The following CHST9 variants were observed in gnomAD, a reference collection of about 807,000 sequenced individuals.
CHST9 encodes carbohydrate sulfotransferase 9, also known as GalNAc-4-sulfotransferase 2.
CHST9 carries 41 observed loss-of-function variants against 44.4 expected under a neutral mutation model. The ratio of observed to expected loss-of-function variants is 0.92; its 90% CI spans 0.72 to 1.20. The LOEUF is 1.20. CHST9 is among the 50% of genes most tolerant of loss of function. The probability of loss-of-function intolerance (pLI) is 0.00; values close to 1 mark genes in which losing one functional copy is unlikely to be tolerated. For synonymous variants in CHST9, 171 were observed against 178.4 expected, an observed-to-expected ratio of 0.96 and a Z score of 0.33; for missense variants, 504 against 516.5, an observed-to-expected ratio of 0.98 and a Z score of 0.23.
chr18:27,161,526 T>C (rs2050355544), intron 1 of CHST9, among the ~76,000 whole-genome samples: 1 of 152,212 alleles, frequency 6.6e-6, no homozygotes, highest in South Asian at 2.1e-4. Flanking sequence ...GTGCTTTACT[T>C]TCAACTAAGT....
intron 5 of CHST9, among the ~76,000 whole-genome samples, chr18:26,939,394 T>C (rs2056048153): frequency 6.6e-6 from 1 of 152,162 alleles, no homozygotes. Context: ...GTGGGGAGAA[T>C]CCTCTCCAAA....
At chr18:27,099,223 A>G (rs986360390) in intron 2 of CHST9, among the ~76,000 whole-genome samples, 3 of 152,290 alleles carry the variant, frequency 2.0e-5, no homozygotes, top group East Asian at 3.9e-4. Context: ...AAGACCTCGA[A>G]CTACAAGAAT....
At chr18:27,152,588 C>G (rs1296396829) in intron 1 of CHST9, among the ~76,000 whole-genome samples, 1 of 152,104 alleles carries the variant, frequency 6.6e-6, no homozygotes, top group African/African-American at 2.4e-5. Context: ...CACATAGTCA[C>G]AAGAATATGC....
intron 2 of CHST9, among the ~76,000 whole-genome samples, chr18:27,057,797 A>C (rs2057675120): frequency 6.6e-6 from 1 of 152,232 alleles, no homozygotes; most frequent in Admixed American, 6.5e-5. Flanking sequence ...AGAAGGACTG[A>C]ATGCTCAAAG....
chr18:27,120,866 G>A (rs1361398575), intron 2 of CHST9, among the ~76,000 whole-genome samples: 1 of 152,200 alleles, frequency 6.6e-6, no homozygotes, highest in Non-Finnish European at 1.5e-5. Context: ...CCAAAAACAG[G>A]AAGGTTCTCA....
intron 2 of CHST9, among the ~76,000 whole-genome samples, chr18:27,053,256 A>AAGAAGAAGAAGGAGAAGGAGAAGG (rs1568151140): frequency 8.7e-5 from 7 of 80,568 alleles, no homozygotes; most frequent in Non-Finnish European, 1.1e-4. Flanking sequence ...GAAGAAGAAG[A>AAGAAGAAGAAGGAGAAGGAGAAGG]AGAAGGAGAA....
intron 2 of CHST9, among the ~76,000 whole-genome samples, chr18:27,078,869 G>T (rs573193732): frequency 7.2e-5 from 11 of 152,242 alleles, no homozygotes; most frequent in Admixed American, 7.2e-4. Context: ...TTGATTTTGG[G>T]GTTACATATA....
rs550498636 is a variant in CHST9 at position 27,014,393 on chromosome 18, G to C, written c.202+9723C>G. Among the ~76,000 whole-genome samples the C allele has an allele frequency of 6.3e-3, 907 of 143,898 alleles. 9 individuals carry two copies. Among genetic ancestry groups the C allele is most frequent in the African/African-American group, 0.02 (794 of 38,816 alleles). 94.4% of individuals were successfully genotyped at this position (143,898 alleles called of 152,430 possible). On this transcript the variant is annotated intron_variant, in intron 4 of 5. Coordinates refer to ENST00000618847, the MANE Select transcript of CHST9 (RefSeq NM_031422.6). Reference sequence around the variant, plus strand: ...GGCGTGAACCCGGGAGGCGGAGCTTGCAGTGAGCCGAGATCCCGCCACTGC... The same window carrying C: ...GGCGTGAACCCGGGAGGCGGAGCTTCCAGTGAGCCGAGATCCCGCCACTGC...
At chr18:26,955,254 T>C (rs1452785101) in intron 4 of CHST9, among the ~76,000 whole-genome samples, 1 of 151,268 alleles carries the variant, frequency 6.6e-6, no homozygotes, top group African/African-American at 2.4e-5. Flanking sequence ...TTTACACATC[T>C]ATACCATCAT....
rs147863497 is a variant in CHST9, at chr18:27,120,378, T to G, written c.121+22311A>C. On this transcript the variant is annotated intron_variant, in intron 2 of 5. Transcript: ENST00000618847. ...ATAACAGATGTTATTTTTCTCCCCT[T>G]GCCTTTTACTATTGTTTATTTTATG... Among the ~76,000 whole-genome samples the G allele has an allele frequency of 4.1e-4, 63 of 152,314 alleles. No individual in the cohort carries two copies. In the East Asian group the frequency reaches 9.9e-3, roughly 24 times the overall value.
Position 26,984,170 on chromosome 18 carries a change from A to T in CHST9, c.203-39804T>A, listed in dbSNP as rs1267281532. Among the ~76,000 whole-genome samples the T allele has an allele frequency of 2.6e-5, 4 of 152,362 alleles. No homozygotes were observed. In the East Asian group the frequency reaches 7.7e-4, roughly 29 times the overall value. On this transcript the variant is annotated intron_variant, in intron 4 of 5. Coordinates refer to ENST00000618847, the MANE Select transcript of CHST9 (RefSeq NM_031422.6). ...AATTAATTTAACTCACTTAATTGTA[A>T]CTTTTCCAATATATAAAATGGGGAA...
In CHST9 at chr18:26,915,250, G is replaced by A. The variant is rs1183090177; in HGVS notation, c.*1009C>T. On this transcript the variant is annotated 3_prime_UTR_variant, in exon 6 of 6. Coordinates refer to ENST00000618847, the MANE Select transcript of CHST9 (RefSeq NM_031422.6). ...AACCTATCTTTGAAGTGGTATATTA[G>A]TTTTTAAAAAGTCATTCCTAAGCTG... The A allele has an allele frequency of 6.0e-6, 2 of 334,602 alleles. No individual in the cohort carries two copies. The highest frequency in any genetic ancestry group is 1.1e-5 in the Non-Finnish European group (2 of 187,528). 20.7% of individuals were successfully genotyped at this position (334,602 alleles called of 1,614,324 possible).
At chr18:27,000,658 C>CTA (rs1350579118) in intron 4 of CHST9, among the ~76,000 whole-genome samples, 2,445 of 74,542 alleles carry the variant, frequency 0.033, 39 homozygotes, top group South Asian at 0.041. Context: ...CTATCTATCT[C>CTA]TCTATCTATC....
intron 4 of CHST9, among the ~76,000 whole-genome samples, chr18:26,950,891 C>T (rs1231699523): frequency 6.6e-6 from 1 of 152,156 alleles, no homozygotes; most frequent in Admixed American, 6.5e-5. Flanking sequence ...TTAAAGCTAA[C>T]TTTCAGGATA....
intron 1 of CHST9, among the ~76,000 whole-genome samples, chr18:27,161,663 C>CCTT (rs1040296899): frequency 1.3e-5 from 2 of 150,612 alleles, no homozygotes; most frequent in African/African-American, 4.9e-5. Context: ...TCCTGGATAT[C>CCTT]CTTAACTTTC....
chr18:27,154,961 A>T (rs1412705876), intron 1 of CHST9, among the ~76,000 whole-genome samples: 2 of 152,058 alleles, frequency 1.3e-5, no homozygotes, highest in East Asian at 3.9e-4. Flanking sequence ...GCGCTCCTGT[A>T]ATTCCAGCTA....
intron 2 of CHST9, among the ~76,000 whole-genome samples, chr18:27,053,136 A>AGAG (rs2057590915): frequency 1.1e-5 from 1 of 92,090 alleles, no homozygotes; most frequent in South Asian, 4.2e-4. Flanking sequence ...AAGAGGAAGA[A>AGAG]GAAGAAGAAG....
intron 5 of CHST9, chr18:26,930,928 ATGGGG>A (rs143598762): frequency 0.57 from 55,933 of 97,664 alleles, 12,791 homozygotes; most frequent in East Asian, 0.74. Context: ...CAGAATATAC[ATGGGG>A]TGGGGTGGGG....
At chr18:27,094,691 G>T (rs576907804) in intron 2 of CHST9, among the ~76,000 whole-genome samples, 2 of 152,254 alleles carry the variant, frequency 1.3e-5, no homozygotes, top group African/African-American at 4.8e-5. Context: ...TATAATAATA[G>T]ATACAAAGCT....
Sources: allele counts gnomAD v4.1 joint callset (sites outside exome capture counted in the v4.1 genomes callset), GRCh38; gene constraint gnomAD v4.1.1; transcripts MANE v1.5; gene names NCBI Gene and HGNC (gene_info 2026-07-23, HGNC 2026-07-21).